SORBS2: variants seen among roughly 807,000 people sequenced by gnomAD.
The protein encoded by SORBS2 is sorbin and SH3 domain containing 2.
Under a neutral mutation model 97.7 loss-of-function variants are expected in SORBS2, and 46 were observed. That is an observed-to-expected ratio of 0.47 (90% CI 0.37 to 0.60). The LOEUF (loss-of-function observed/expected upper bound fraction) is 0.60. Ranked by LOEUF, SORBS2 falls within the 20% of genes least tolerant of loss-of-function variation. The pLI is 0.00. For synonymous variants in SORBS2, 476 were observed against 473.4 expected, an observed-to-expected ratio of 1.01 and a Z score of -0.07; for missense variants, 1,316 against 1,282.3, an observed-to-expected ratio of 1.03 and a Z score of -0.40.
At chr4:185,793,135 C>T (rs1341746852) in intron 1 of SORBS2, among the ~76,000 whole-genome samples, 1 of 152,168 alleles carries the variant, frequency 6.6e-6, no homozygotes, top group African/African-American at 2.4e-5. Flanking sequence ...TCGCAAAGCT[C>T]CAATACCATG....
intron 1 of SORBS2, among the ~76,000 whole-genome samples, chr4:185,912,881 C>A (rs1450782084): frequency 6.6e-6 from 1 of 152,122 alleles, no homozygotes. Context: ...CTCACCTTCC[C>A]GTTTCGAATG....
At chr4:185,931,266 A>G (rs2099266300) in intron 1 of SORBS2, among the ~76,000 whole-genome samples, 1 of 152,160 alleles carries the variant, frequency 6.6e-6, no homozygotes, top group Non-Finnish European at 1.5e-5. Flanking sequence ...ACTACTATAT[A>G]CTCATGATTT....
intron 3 of SORBS2, among the ~76,000 whole-genome samples, chr4:185,647,658 G>T (rs1389965275): frequency 6.6e-6 from 1 of 152,142 alleles, no homozygotes; most frequent in Non-Finnish European, 1.5e-5. Context: ...AATACTCTAA[G>T]AGACAGAATT....
In SORBS2 at chr4:185,623,689, C is replaced by T; in HGVS notation, c.1440G>A (p.Leu480=). ...TGGTGACTTCAATGTGAATGGGCAC[C>T]AGGGCGTTAGACTGGCAGCCTCGCC... The change falls in exon 7 of 15, where the codon CTG becomes CTA. Residue 480 remains leucine (L), a synonymous_variant. Coordinates refer to ENST00000418609, the Ensembl canonical transcript of SORBS2. The surrounding 1 kb of genome is among the most constrained non-coding windows in gnomAD (Gnocchi z 6.4). The T allele has an allele frequency of 1.9e-6, 3 of 1,614,010 alleles. No homozygotes were observed. Among genetic ancestry groups the T allele is most frequent in the Non-Finnish European group, 2.5e-6 (3 of 1,180,012 alleles).
intron 2 of SORBS2, among the ~76,000 whole-genome samples, chr4:185,769,003 A>T (rs1469616407): frequency 6.6e-6 from 1 of 152,186 alleles, no homozygotes; most frequent in Non-Finnish European, 1.5e-5. Flanking sequence ...AAGTAACCAG[A>T]GCTCCTTGAA....
intron 1 of SORBS2, among the ~76,000 whole-genome samples, chr4:185,801,541 G>A (rs1487901219): frequency 6.6e-6 from 1 of 152,174 alleles, no homozygotes; most frequent in African/African-American, 2.4e-5. Flanking sequence ...TCTCACTGTG[G>A]TTTTGACTTG....
chr4:185,674,082 A>G (rs907748872), intron 4 of SORBS2, among the ~76,000 whole-genome samples: 1 of 152,096 alleles, frequency 6.6e-6, no homozygotes. Flanking sequence ...CACAAAACCC[A>G]TCGACTAGCC....
chr4:185,839,692 T>C (rs573218589), intron 1 of SORBS2, among the ~76,000 whole-genome samples: 1 of 152,336 alleles, frequency 6.6e-6, no homozygotes, highest in African/African-American at 2.4e-5. Context: ...GACATACGTA[T>C]AAAACTCTAA....
chr4:185,859,732 C>T (rs560759449), intron 1 of SORBS2, among the ~76,000 whole-genome samples: 1 of 152,240 alleles, frequency 6.6e-6, no homozygotes, highest in South Asian at 2.1e-4. Flanking sequence ...TTCTCACCGC[C>T]CAGGGCACAA....
chr4:185,767,846 T>C (rs1476159404), intron 2 of SORBS2, among the ~76,000 whole-genome samples: 3 of 152,206 alleles, frequency 2.0e-5, no homozygotes, highest in East Asian at 1.9e-4. Flanking sequence ...ATGAGCCTGA[T>C]GGTGAGACTT....
intron 2 of SORBS2, among the ~76,000 whole-genome samples, chr4:185,706,702 T>C (rs1207938618): frequency 1.3e-5 from 2 of 152,204 alleles, no homozygotes; most frequent in African/African-American, 4.8e-5. Flanking sequence ...TTCTCTTCCT[T>C]TCCTGTTCAT....
At chr4:185,794,120 G>A (rs1356247740) in intron 1 of SORBS2, among the ~76,000 whole-genome samples, 1 of 152,198 alleles carries the variant, frequency 6.6e-6, no homozygotes, top group Non-Finnish European at 1.5e-5. Flanking sequence ...TTAAAACTAA[G>A]TGACCAAACA....
rs139206288 is a variant in SORBS2 at position 185,900,910 on chromosome 4, C to G, written c.-338+55286G>C. On this transcript the variant is annotated intron_variant, in intron 1 of 20. Coordinates refer to the SORBS2 transcript ENST00000284776. Reference sequence around the variant, plus strand: ...ATAGTCCAAAAGGCAGTGCAATTATCAAGTTGTCTAAAACATTGTTTATGG... The same window carrying G: ...ATAGTCCAAAAGGCAGTGCAATTATGAAGTTGTCTAAAACATTGTTTATGG... Among the ~76,000 whole-genome samples, 806 of 152,292 alleles carry G rather than the reference C, an allele frequency of 5.3e-3. 7 individuals are homozygous for G. Among genetic ancestry groups the G allele is most frequent in the African/African-American group, 0.015 (621 of 41,562 alleles).
chr4:185,952,141 C>T (rs2099277520), intron 1 of SORBS2, among the ~76,000 whole-genome samples: 1 of 152,064 alleles, frequency 6.6e-6, no homozygotes, highest in Non-Finnish European at 1.5e-5. Context: ...CCTCCTGCCT[C>T]AGCCTCCCAA....
rs774833735 is a variant in SORBS2 at position 185,690,610 on chromosome 4, T to C, written c.-197-11788A>G. On this transcript the variant is annotated intron_variant, in intron 2 of 20. Coordinates refer to the SORBS2 transcript ENST00000284776. ...AGTTTGTTATTAAAGTCTTCAGTTTTCCTGTAGGAAAAAAATGGTGCATAA... is the reference window on the plus strand; with the variant it reads ...AGTTTGTTATTAAAGTCTTCAGTTTCCCTGTAGGAAAAAAATGGTGCATAA... The C allele has an allele frequency of 2.5e-5, 36 of 1,442,252 alleles. 1 individual carries two copies. In the South Asian group the frequency reaches 4.7e-4, roughly 19 times the overall value. 89.3% of individuals were successfully genotyped at this position (1,442,252 alleles called of 1,614,324 possible).
At chr4:185,799,089 C>G (rs982255356) in intron 1 of SORBS2, among the ~76,000 whole-genome samples, 3 of 152,168 alleles carry the variant, frequency 2.0e-5, no homozygotes, top group Non-Finnish European at 4.4e-5. Context: ...AAGTATCCAT[C>G]TTGGATATAG....
intron 1 of SORBS2, among the ~76,000 whole-genome samples, chr4:185,880,571 A>T (rs950883808): frequency 1.3e-5 from 2 of 152,256 alleles, no homozygotes; most frequent in African/African-American, 4.8e-5. Flanking sequence ...AAATCAAGAA[A>T]TGTTAAACAC....
At chr4:185,791,088 G>A (rs531403855) in intron 1 of SORBS2, among the ~76,000 whole-genome samples, 2 of 152,228 alleles carry the variant, frequency 1.3e-5, no homozygotes, top group South Asian at 4.1e-4. Flanking sequence ...AATTTAAAAA[G>A]TTTCTCTAAG....
At chr4:185,673,406 C>T (rs188373290) in intron 4 of SORBS2, among the ~76,000 whole-genome samples, 4 of 152,206 alleles carry the variant, frequency 2.6e-5, no homozygotes, top group South Asian at 4.2e-4. Context: ...AAAGAGGACA[C>T]GCTATCTTGG....
Sources: gnomAD v4.1 joint callset for allele counts (sites outside exome capture counted in the v4.1 genomes callset) on GRCh38, gnomAD v4.1.1 for gene constraint, Gnocchi (gnomAD v3.1) non-coding constraint, MANE v1.5 for transcripts, NCBI Gene and HGNC (gene_info 2026-07-23, HGNC 2026-07-21) for gene names.